Variants in ERC2 observed in about 807,000 individuals in gnomAD.
ERC2 encodes the protein ELKS/RAB6-interacting/CAST family member 2, also known as ERC protein 2.
Under a neutral mutation model 114.8 loss-of-function variants are expected in ERC2, and 42 were observed. The ratio of observed to expected loss-of-function variants is 0.37; its 90% CI spans 0.29 to 0.47. ERC2 has a LOEUF of 0.47. Ranked by LOEUF, ERC2 falls within the 20% of genes least tolerant of loss-of-function variation. The pLI is 0.99. For missense variants in ERC2, 939 were observed against 1,150.7 expected (o/e 0.82, Z 2.66); for synonymous variants, 454 against 425.5 (o/e 1.07, Z -0.82).
At chr3:56,110,220 T>G (rs569671629) in intron 6 of ERC2, among the ~76,000 whole-genome samples, 1 of 152,162 alleles carries the variant, frequency 6.6e-6, no homozygotes, top group Non-Finnish European at 1.5e-5. Context: ...TATCAGTCTT[T>G]TGCTGAGGTA....
chr3:56,065,486 C>T (rs559972018), intron 7 of ERC2, among the ~76,000 whole-genome samples: 69 of 151,976 alleles, frequency 4.5e-4, no homozygotes, highest in African/African-American at 1.6e-3. Context: ...CCACCGTGCC[C>T]AGCCTCATGA....
At chr3:56,114,613 C>T (rs997503940) in intron 6 of ERC2, among the ~76,000 whole-genome samples, 1 of 152,096 alleles carries the variant, frequency 6.6e-6, no homozygotes, top group African/African-American at 2.4e-5. Flanking sequence ...AACCCAGGAA[C>T]AAACAAATGG....
intron 2 of ERC2, among the ~76,000 whole-genome samples, chr3:56,412,416 T>C (rs1446214757): frequency 6.6e-6 from 1 of 152,232 alleles, no homozygotes; most frequent in Non-Finnish European, 1.5e-5. Flanking sequence ...TCAAAATCCT[T>C]CAGCAGAAAT....
intron 3 of ERC2, among the ~76,000 whole-genome samples, chr3:56,217,910 T>C (rs1260183104): frequency 6.6e-6 from 1 of 151,984 alleles, no homozygotes; most frequent in Admixed American, 6.6e-5. Context: ...ATTTAATAAA[T>C]GGTGCTGGGA....
chr3:55,638,202 A>C (rs912753547), intron 17 of ERC2, among the ~76,000 whole-genome samples: 17 of 152,162 alleles, frequency 1.1e-4, no homozygotes, highest in African/African-American at 4.1e-4. Context: ...CACCTATAAA[A>C]TCAGGATAAT....
intron 3 of ERC2, among the ~76,000 whole-genome samples, chr3:56,259,321 T>C (rs1469070644): frequency 1.3e-5 from 2 of 152,162 alleles, no homozygotes; most frequent in Non-Finnish European, 2.9e-5. Context: ...AAATGTAATC[T>C]TTCACACACA....
At chr3:56,128,726 T>C (rs978666610) in intron 6 of ERC2, among the ~76,000 whole-genome samples, 1 of 152,158 alleles carries the variant, frequency 6.6e-6, no homozygotes, top group Non-Finnish European at 1.5e-5. Context: ...CTGGTACTAC[T>C]CTTAGAAGAG....
chr3:56,226,495 A>G lies in ERC2; in HGVS notation c.1075-52975T>C, dbSNP rs569047600. Among the ~76,000 whole-genome samples, 3 of 152,338 alleles carry G rather than the reference A, an allele frequency of 2.0e-5. No individual in the cohort carries two copies. The South Asian group carries it at 6.2e-4, about 32-fold the overall frequency. On this transcript the variant is annotated intron_variant, in intron 3 of 17. Transcript: ENST00000288221. ...CCTGAGTCCAGGAGTTCAAAACTGC[A>G]GTGTGCTATGACATTGTCACCGCAC...
chr3:55,664,060 T>C (rs1287372213), intron 17 of ERC2, among the ~76,000 whole-genome samples: 1 of 152,226 alleles, frequency 6.6e-6, no homozygotes, highest in Non-Finnish European at 1.5e-5. Flanking sequence ...AAAGGGTGGT[T>C]CACACACCAG....
chr3:55,516,206 C>T (rs62251461), intron 17 of ERC2, among the ~76,000 whole-genome samples: 5,288 of 151,470 alleles, frequency 0.035, 157 homozygotes, highest in Middle Eastern at 0.11. Flanking sequence ...CATGAAGCCA[C>T]TCTGCTCACA....
chr3:56,126,288 C>A (rs531144184), intron 6 of ERC2, among the ~76,000 whole-genome samples: 1 of 152,304 alleles, frequency 6.6e-6, no homozygotes, highest in East Asian at 1.9e-4. Flanking sequence ...TGATGGGGAG[C>A]TTGTTCACTA....
intron 17 of ERC2, among the ~76,000 whole-genome samples, chr3:55,629,363 C>T (rs1379859109): frequency 2.0e-5 from 3 of 152,176 alleles, no homozygotes; most frequent in African/African-American, 4.8e-5. Flanking sequence ...AAAGGCTTAT[C>T]CCAAAAGGAC....
intron 2 of ERC2, among the ~76,000 whole-genome samples, chr3:56,417,721 A>G (rs182149258): frequency 1.3e-5 from 2 of 152,312 alleles, no homozygotes; most frequent in Admixed American, 1.3e-4. Flanking sequence ...GGTGCTCTCG[A>G]CCACCATCAT....
chr3:56,156,349 A>G (rs2081720152), intron 4 of ERC2, among the ~76,000 whole-genome samples: 1 of 152,158 alleles, frequency 6.6e-6, no homozygotes, highest in South Asian at 2.1e-4. Flanking sequence ...GTGTTGCCAT[A>G]ATTGGAAACT....
chr3:55,529,247 T>C (rs2053522407), intron 17 of ERC2, among the ~76,000 whole-genome samples: 1 of 152,194 alleles, frequency 6.6e-6, no homozygotes, highest in Non-Finnish European at 1.5e-5. Flanking sequence ...TGAAGGAAAC[T>C]CTAGCTAATC....
chr3:56,244,713 TAA>T (rs930463886), intron 3 of ERC2, among the ~76,000 whole-genome samples: 3 of 152,308 alleles, frequency 2.0e-5, no homozygotes, highest in South Asian at 2.1e-4. Flanking sequence ...TACAGTAAGC[TAA>T]AAAAGTTTAA....
At chr3:55,684,252 A>T (rs1181616863) in intron 16 of ERC2, among the ~76,000 whole-genome samples, 1 of 152,170 alleles carries the variant, frequency 6.6e-6, no homozygotes, top group African/African-American at 2.4e-5. Context: ...TATAGTAATC[A>T]AATACCCTTA....
At chr3:55,709,732 C>G (rs895578598) in intron 15 of ERC2, among the ~76,000 whole-genome samples, 2 of 152,194 alleles carry the variant, frequency 1.3e-5, no homozygotes, top group African/African-American at 4.8e-5. Flanking sequence ...AATGACCCCC[C>G]AAAGGGGGAG....
At chr3:55,935,030 A>G (rs1451939733) in intron 13 of ERC2, among the ~76,000 whole-genome samples, 3 of 152,196 alleles carry the variant, frequency 2.0e-5, no homozygotes, top group Non-Finnish European at 4.4e-5. Context: ...CCAAAGATGT[A>G]GCCTTTACTC....
Sources: gnomAD v4.1 joint callset for allele counts (sites outside exome capture counted in the v4.1 genomes callset) on GRCh38, gnomAD v4.1.1 for gene constraint, MANE v1.5 for transcripts, NCBI Gene and HGNC (gene_info 2026-07-23, HGNC 2026-07-21) for gene names.